Variants in BFAR observed in about 807,000 individuals in gnomAD.
BFAR encodes the protein RING finger protein 47.
In BFAR, 52 loss-of-function variants were observed where a neutral mutation model predicts 54.4. The observed-to-expected ratio is 0.96, with a 90% CI of 0.77 to 1.21. The LOEUF (loss-of-function observed/expected upper bound fraction) is 1.21, where lower values mean the gene tolerates loss of function less well. BFAR is among the 50% of genes most tolerant of loss of function. BFAR has a pLI of 0.00. For missense variants in BFAR, 571 were observed against 534.0 expected (o/e 1.07, Z -0.68); for synonymous variants, 215 against 204.3 (o/e 1.05, Z -0.45).
chr16:14,660,892 C>G lies in BFAR; in HGVS notation c.784-1000C>G, dbSNP rs1596991475. Among the ~76,000 whole-genome samples the G allele has an allele frequency of 2.0e-5, 3 of 151,898 alleles. No individual in the cohort carries two copies. The South Asian group carries it at 6.2e-4, about 32-fold the overall frequency. On this transcript the variant is annotated intron_variant, in intron 5 of 7. Coordinates refer to ENST00000261658, the MANE Select transcript of BFAR (RefSeq NM_016561.3). ...CTCCAGCCTGGGCGACAGAGCAAGA[C>G]TCTGTCTCAAAAAAATAAAAAAATT...
chr16:14,648,669 T>C, intron 3 of BFAR, 77 bp downstream of exon 3: 1 of 1,034,632 alleles, frequency 9.7e-7, no homozygotes, highest in Non-Finnish European at 1.4e-6. Flanking sequence ...AAGTCAGTTC[T>C]GTTGAAATCA....
intron 5 of BFAR, among the ~76,000 whole-genome samples, chr16:14,659,752 G>A (rs1381672717): frequency 6.8e-6 from 1 of 146,102 alleles, no homozygotes; most frequent in South Asian, 2.2e-4. Context: ...GGATTTCACC[G>A]TTTTAGCCAG....
At chr16:14,640,620 G>A (rs979638143) in intron 1 of BFAR, among the ~76,000 whole-genome samples, 3 of 152,170 alleles carry the variant, frequency 2.0e-5, no homozygotes, top group Admixed American at 1.3e-4. Flanking sequence ...GTAGGGCGGT[G>A]GCTACTGGTG....
At chr16:14,636,897 A>T (rs1182106322) in intron 1 of BFAR, among the ~76,000 whole-genome samples, 1 of 152,234 alleles carries the variant, frequency 6.6e-6, no homozygotes, top group Non-Finnish European at 1.5e-5. Flanking sequence ...TCTGTTTAAC[A>T]AAGCACATCT....
At chr16:14,644,119 C>G (rs544719197) in intron 1 of BFAR, among the ~76,000 whole-genome samples, 155 bp from the exon 2 acceptor site, 2 of 149,692 alleles carry the variant, frequency 1.3e-5, no homozygotes, top group Admixed American at 1.3e-4. Flanking sequence ...GCTGAGATCA[C>G]GCCACTGCAC....
intron 3 of BFAR, among the ~76,000 whole-genome samples, chr16:14,648,868 G>C (rs1046093388): frequency 6.6e-6 from 1 of 151,848 alleles, no homozygotes; most frequent in African/African-American, 2.4e-5. Context: ...TTTTTGTTTT[G>C]TTTTGTTTTT....
chr16:14,643,781 A>T (rs1410502993), intron 1 of BFAR: 1 of 152,044 alleles, frequency 6.6e-6, no homozygotes, highest in Non-Finnish European at 1.5e-5. Context: ...AATTAAAATT[A>T]GAGCTTTAGT....
Position 14,644,540 on chromosome 16 carries a change from C to T in BFAR, c.194C>T (p.Ser65Leu), listed in dbSNP as rs1411969387. The change falls in exon 2 of 8, where the codon TCA becomes TTA. Residue 65 changes from serine (S) to leucine (L), a missense_variant. Transcript: ENST00000261658. The part of the protein sequence containing the change: ...RHCLALWWAS[S>L]KKTECPECRE... ...TGCCTTGCTTTATGGTGGGCATCTT[C>T]AAAGAAAACAGAATGTCCAGAATGC... The T allele has an allele frequency of 2.5e-6, 4 of 1,613,798 alleles. No individual in the cohort carries two copies. The African/African-American group carries it at 5.3e-5, about 22-fold the overall frequency.
rs768740640 is a variant in BFAR at position 14,648,484 on chromosome 16, G to T, written c.360G>T (p.Gln120His). ...NDIVQSLAAF[Q>H]KYGNDQIPLA... ...TAGTCCAAAGTCTTGCAGCCTTTCAGAAATATGGGAATGATCAGATTCCTT... is the reference window on the plus strand; with the variant it reads ...TAGTCCAAAGTCTTGCAGCCTTTCATAAATATGGGAATGATCAGATTCCTT... Residue 120 changes from glutamine to histidine, a missense_variant, in exon 3 of 8, where the codon CAG becomes CAT. By Grantham distance (24) the Gln-to-His change is conservative. Coordinates refer to ENST00000261658, the MANE Select transcript of BFAR (RefSeq NM_016561.3). 6.2e-6 allele frequency: 10 copies of T among 1,613,606 alleles called. No homozygotes were observed. In the Admixed American group the frequency reaches 1.7e-4, roughly 27 times the overall value.
intron 4 of BFAR, among the ~76,000 whole-genome samples, chr16:14,652,486 G>A (rs1002015321): frequency 6.6e-6 from 1 of 151,622 alleles, no homozygotes; most frequent in African/African-American, 2.4e-5. Context: ...TCGCCATGTT[G>A]ACCAGGCTGG....
rs937114867 is a variant in BFAR at position 14,669,094 on chromosome 16, A to G, written c.*1267A>G. On this transcript the variant is annotated 3_prime_UTR_variant, in exon 8 of 8. Transcript: ENST00000261658. The stretch of plus-strand genomic sequence containing the variant: ...ACAGGCCTTGCAGAAATAGGCCTAC[A>G]TCCAAAATATTATCTTGTGACTCCA... 10 of 454,156 alleles carry G rather than the reference A, an allele frequency of 2.2e-5. No individual in the cohort carries two copies. The highest frequency in any genetic ancestry group is 2.0e-4 in the African/African-American group (10 of 50,048). The allele number at this position is 454,156 out of a possible 1,614,324, so 28.1% of individuals were successfully genotyped here. A position where few individuals can be genotyped will look rare whatever the true frequency, so the allele number is the denominator to read the frequency against.
intron 7 of BFAR, among the ~76,000 whole-genome samples, chr16:14,665,540 G>T (rs922026425): frequency 6.6e-6 from 1 of 152,174 alleles, no homozygotes; most frequent in African/African-American, 2.4e-5. Context: ...GGATGGTAGC[G>T]AGACAAGATG....
intron 1 of BFAR, among the ~76,000 whole-genome samples, chr16:14,639,469 G>A (rs993830432): frequency 6.6e-6 from 1 of 151,950 alleles, no homozygotes; most frequent in African/African-American, 2.4e-5. Context: ...CACCATGCCC[G>A]GCTAATTTTT....
At chr16:14,660,204 A>G (rs1960251323) in intron 5 of BFAR, among the ~76,000 whole-genome samples, 1 of 152,168 alleles carries the variant, frequency 6.6e-6, no homozygotes, top group Non-Finnish European at 1.5e-5. Context: ...TTTAATTCAC[A>G]TTCACATGCT....
At chr16:14,656,466 G>A (rs1394848281) in intron 5 of BFAR, among the ~76,000 whole-genome samples, 2 of 151,744 alleles carry the variant, frequency 1.3e-5, no homozygotes, top group African/African-American at 2.4e-5. Context: ...CTCCAGCCTG[G>A]GCAAGAGAGT....
At chr16:14,650,264 A>T (rs1330217881) in intron 4 of BFAR, 1 of 250,148 alleles carries the variant, frequency 4.0e-6, no homozygotes, top group Non-Finnish European at 7.6e-6. Flanking sequence ...CAAGAGGTGG[A>T]GGTTACAATG....
At chr16:14,636,021 A>G (rs1959424484) in intron 1 of BFAR, among the ~76,000 whole-genome samples, 1 of 151,988 alleles carries the variant, frequency 6.6e-6, no homozygotes, top group Non-Finnish European at 1.5e-5. Context: ...AGCACGTTTT[A>G]ATTTTGTAGT....
At chr16:14,643,251 C>A (rs550232407) in intron 1 of BFAR, among the ~76,000 whole-genome samples, 6 of 151,618 alleles carry the variant, frequency 4.0e-5, no homozygotes, top group African/African-American at 9.7e-5. Flanking sequence ...CAGAGGTTGA[C>A]GTGAGCCAAG....
chr16:14,633,832 T>C (rs1959345329), intron 1 of BFAR, among the ~76,000 whole-genome samples: 1 of 152,140 alleles, frequency 6.6e-6, no homozygotes, highest in South Asian at 2.1e-4. Context: ...TTTGTATTTT[T>C]AGTAGAGACG....
Sources: allele counts gnomAD v4.1 joint callset (sites outside exome capture counted in the v4.1 genomes callset), GRCh38; gene constraint gnomAD v4.1.1; transcripts MANE v1.5; gene names NCBI Gene and HGNC (gene_info 2026-07-23, HGNC 2026-07-21).